BEGAIN: variants seen among roughly 807,000 people sequenced by gnomAD.
The protein encoded by BEGAIN is brain-enriched guanylate kinase-associated protein.
Under a neutral mutation model 35.8 loss-of-function variants are expected in BEGAIN, and 19 were observed. The ratio of observed to expected loss-of-function variants is 0.53; its 90% confidence interval spans 0.37 to 0.78. The LOEUF is 0.78. Ranked by LOEUF, BEGAIN falls within the 30% of genes least tolerant of loss-of-function variation. The pLI, the probability that BEGAIN is intolerant of heterozygous loss-of-function variation, is 0.00. For synonymous variants in BEGAIN, 462 were observed against 388.6 expected, an observed-to-expected ratio of 1.19 and a Z score of -2.22; for missense variants, 795 against 853.6, an observed-to-expected ratio of 0.93 and a Z score of 0.85.
chr14:100,575,038 C>T (rs562844868), intron 1 of BEGAIN, among the ~76,000 whole-genome samples: 5 of 152,274 alleles, frequency 3.3e-5, no homozygotes, highest in African/African-American at 9.6e-5. Context: ...TGTTTGCTGA[C>T]CAGTGAAGAG....
rs1011692720 is a variant in BEGAIN at position 100,563,144 on chromosome 14, C to G, written c.71+4767G>C. Among the ~76,000 whole-genome samples the G allele has an allele frequency of 5.3e-5, 8 of 152,332 alleles. No homozygotes were observed. The highest frequency in any genetic ancestry group is 3.3e-4 in the Admixed American group (5 of 15,306). ...CTGGCACTTCTGCAGAGTGTCTCAG[C>G]CTGGACAAGTGTCCGACATGGACAG... On this transcript the variant is annotated intron_variant, in intron 2 of 6. Transcript: ENST00000554140. This position sits in a 1 kb window ranked among gnomAD's most constrained non-coding sequence, Gnocchi z 4.2.
chr14:100,579,476 T>C (rs1013307492), intron 1 of BEGAIN, among the ~76,000 whole-genome samples: 1 of 152,196 alleles, frequency 6.6e-6, no homozygotes, highest in Admixed American at 6.5e-5. Context: ...GATGCGGCTT[T>C]AGGCTGCTAG....
intron 3 of BEGAIN, chr14:100,545,906 G>T (rs2032305587): frequency 6.6e-6 from 1 of 152,228 alleles, no homozygotes; most frequent in Admixed American, 6.5e-5. Context: ...CAACAGCAAA[G>T]GTTGCATGCT....
chr14:100,540,655 C>T, intron 5 of BEGAIN, 76 bp from the exon 6 acceptor site: 2 of 1,122,938 alleles, frequency 1.8e-6, no homozygotes, highest in East Asian at 2.6e-5. Flanking sequence ...GCCAAGTGGC[C>T]AGCGGGGGCA....
intron 1 of BEGAIN, among the ~76,000 whole-genome samples, chr14:100,583,438 C>T (rs2035363376): frequency 6.6e-6 from 1 of 152,116 alleles, no homozygotes; most frequent in Non-Finnish European, 1.5e-5. Context: ...AAAGATCCTT[C>T]CATCCATTCA....
At chr14:100,551,344 C>T (rs575036264) in intron 2 of BEGAIN, among the ~76,000 whole-genome samples, 21 of 152,248 alleles carry the variant, frequency 1.4e-4, no homozygotes, top group African/African-American at 5.1e-4. Flanking sequence ...CTCGCAGAGA[C>T]GCCCGGGCAG....
Position 100,538,845 on chromosome 14 carries a change from G to A in BEGAIN, c.963C>T (p.Ser321=). Residue 321 remains serine (S), a synonymous_variant, in exon 7 of 7, where the codon AGC becomes AGT. Transcript: ENST00000554140. ...GSLPTSSSYS[S]FSATSEEKEH... ...CCTTCTCCTCCGACGTGGCGCTGAA[G>A]CTGGAGTAGGAGCTGGACGTGGGCA... 6.2e-7 allele frequency: 1 copy of A among 1,606,562 alleles called. No homozygotes were observed. The highest frequency in any genetic ancestry group is 8.5e-7 in the Non-Finnish European group (1 of 1,178,098).
At chr14:100,585,431 TCCA>T in intron 1 of BEGAIN, among the ~76,000 whole-genome samples, 1 of 114,944 alleles carries the variant, frequency 8.7e-6, no homozygotes, top group Non-Finnish European at 1.8e-5. Context: ...CATCCATCCA[TCCA>T]TCCATCCATC....
intron 2 of BEGAIN, among the ~76,000 whole-genome samples, chr14:100,561,993 C>G (rs1566974153): frequency 6.6e-6 from 1 of 152,176 alleles, no homozygotes; most frequent in Non-Finnish European, 1.5e-5. Context: ...ACCCCCTGAG[C>G]CCCTAGCTGC....
At position 100,586,722 on chromosome 14, in the gene BEGAIN, G is replaced by A. The variant is rs2035452868; in HGVS notation, c.42+527C>T. On this transcript the variant is annotated intron_variant, in intron 1 of 6. Coordinates refer to ENST00000554140, the MANE Select transcript of BEGAIN (RefSeq NM_001385089.1). This position sits in a 1 kb window ranked among gnomAD's most constrained non-coding sequence, Gnocchi z 4.9. The stretch of plus-strand genomic sequence containing the variant: ...CCGCGAGGTACTGAATGGGATGGTG[G>A]TGTCCGAGGTTCGTGCGCGCCCACG... 6.6e-6 allele frequency among the ~76,000 whole-genome samples: 1 copy of A among 152,192 alleles called. No individual in the cohort carries two copies. The highest frequency in any genetic ancestry group is 1.5e-5 in the Non-Finnish European group (1 of 68,038).
chr14:100,554,978 C>G (rs573474551), intron 2 of BEGAIN, among the ~76,000 whole-genome samples: 1 of 152,382 alleles, frequency 6.6e-6, no homozygotes, highest in South Asian at 2.1e-4. Context: ...CAGGACCAGG[C>G]TGAGCAGGGG....
chr14:100,583,271 T>C (rs1392179933), intron 1 of BEGAIN, among the ~76,000 whole-genome samples: 1 of 152,076 alleles, frequency 6.6e-6, no homozygotes, highest in Non-Finnish European at 1.5e-5. Context: ...CATCCGTCAA[T>C]ATACACTCAT....
At chr14:100,583,947 C>T (rs946854746) in intron 1 of BEGAIN, among the ~76,000 whole-genome samples, 2 of 152,180 alleles carry the variant, frequency 1.3e-5, no homozygotes, top group Non-Finnish European at 2.9e-5. Flanking sequence ...GGTCCACTCA[C>T]CTTGGCCTCC....
intron 2 of BEGAIN, among the ~76,000 whole-genome samples, chr14:100,556,859 C>T (rs1319120901): frequency 6.6e-6 from 1 of 152,172 alleles, no homozygotes; most frequent in African/African-American, 2.4e-5. Context: ...GGCAGAGCCG[C>T]CCGGGGCAGC....
chr14:100,538,217 C>G lies in BEGAIN; in HGVS notation c.1591G>C (p.Gly531Arg). 6.4e-7 allele frequency: 1 copy of G among 1,565,518 alleles called. No homozygotes were observed. The highest frequency in any genetic ancestry group is 8.6e-7 in the Non-Finnish European group (1 of 1,161,714). The change falls in exon 7 of 7, where the codon GGC becomes CGC. Residue 531 changes from glycine (G) to arginine (R), a missense_variant. Around this residue, in one of 3 missense-constraint regions of BEGAIN, gnomAD observed 664 missense variants for 647.7 expected, o/e 1.03. Transcript: ENST00000554140. ...SPGRSADPLP[G>R]YAPSEGGDGD... Reference sequence around the variant, plus strand: ...TCCCCCCCCTCGCTGGGTGCATAGCCGGGCAGTGGGTCAGCCGAGCGGCCG... The same window carrying G: ...TCCCCCCCCTCGCTGGGTGCATAGCGGGGCAGTGGGTCAGCCGAGCGGCCG...
At chr14:100,551,343 A>G (rs367702035) in intron 2 of BEGAIN, among the ~76,000 whole-genome samples, 2 of 152,150 alleles carry the variant, frequency 1.3e-5, no homozygotes, top group South Asian at 2.1e-4. Flanking sequence ...GCTCGCAGAG[A>G]CGCCCGGGCA....
At chr14:100,547,475 G>C in intron 2 of BEGAIN, 1 of 152,316 alleles carries the variant, frequency 6.6e-6, no homozygotes, top group Admixed American at 6.5e-5. Flanking sequence ...CCACTCTTCC[G>C]AGCCACCTGC....
In BEGAIN at chr14:100,558,945, C is replaced by T. The variant is rs150013963; in HGVS notation, c.71+8966G>A. Among the ~76,000 whole-genome samples, 2,815 of 152,088 alleles carry T rather than the reference C, an allele frequency of 0.019. 46 individuals are homozygous for T. The highest frequency in any genetic ancestry group is 0.034 in the Middle Eastern group (10 of 294). ...CATGCCGGTGGGGCCAGGGCGCGTC[C>T]TGGAGATTGGTGTGGCCGGAGCCTG... On this transcript the variant is annotated intron_variant, in intron 2 of 6. Coordinates refer to ENST00000554140, the MANE Select transcript of BEGAIN (RefSeq NM_001385089.1). The surrounding 1 kb of genome is among the most constrained non-coding windows in gnomAD (Gnocchi z 4.6).
In BEGAIN at chr14:100,537,961, G is replaced by A. The variant is rs775309612; in HGVS notation, c.*8C>T. The A allele has an allele frequency of 3.7e-6, 6 of 1,601,416 alleles. No individual in the cohort carries two copies. The highest frequency in any genetic ancestry group is 2.6e-6 in the Non-Finnish European group (3 of 1,175,166). On this transcript the variant is annotated 3_prime_UTR_variant, in exon 7 of 7. Coordinates refer to ENST00000554140, the MANE Select transcript of BEGAIN (RefSeq NM_001385089.1). Reference sequence around the variant, plus strand: ...GAGCGAACCACGGCCAGGCCTGCACGCAGGCGCTCAGTTGAGCAAGGTTCC... The same window carrying A: ...GAGCGAACCACGGCCAGGCCTGCACACAGGCGCTCAGTTGAGCAAGGTTCC...
Sources: allele counts gnomAD v4.1 joint callset (sites outside exome capture counted in the v4.1 genomes callset), GRCh38; gene constraint gnomAD v4.1.1; regional missense constraint gnomAD v4.1.1; non-coding constraint Gnocchi (gnomAD v3.1); transcripts MANE v1.5; gene names NCBI Gene and HGNC (gene_info 2026-07-23, HGNC 2026-07-21).